The following SUPT3H variants were observed in gnomAD, a reference collection of about 807,000 sequenced individuals.
SUPT3H encodes SPT3 homolog, SAGA and STAGA complex component.
SUPT3H carries 44 observed loss-of-function variants against 44.3 expected under a neutral mutation model. The observed-to-expected ratio is 0.99, with a 90% CI of 0.78 to 1.28. The LOEUF (loss-of-function observed/expected upper bound fraction) is 1.28, where lower values mean the gene tolerates loss of function less well. SUPT3H is among the 50% of genes most tolerant of loss of function. The pLI, the probability that SUPT3H is intolerant of heterozygous loss-of-function variation, is 0.00. For synonymous variants in SUPT3H, 124 were observed against 125.6 expected, an observed-to-expected ratio of 0.99 and a Z score of 0.09; for missense variants, 380 against 387.1, an observed-to-expected ratio of 0.98 and a Z score of 0.15.
chr6:45,061,896 T>G (rs1354776419), intron 3 of SUPT3H, among the ~76,000 whole-genome samples: 2 of 52,022 alleles, frequency 3.8e-5, no homozygotes, highest in South Asian at 4.7e-4. Flanking sequence ...ATAAGCTGTT[T>G]TTTTTTTTTT....
rs535755755 is a variant in SUPT3H, at chr6:44,834,874, G to A, written c.913-5017C>T. 5.9e-5 allele frequency among the ~76,000 whole-genome samples: 9 copies of A among 152,224 alleles called. No individual in the cohort carries two copies. The East Asian group carries it at 1.2e-3, about 20-fold the overall frequency. On this transcript the variant is annotated intron_variant, in intron 10 of 10. Transcript: ENST00000371459. ...AAACTGGTGGAGTTGGCGGAGGGGC[G>A]GTTAGGGGAGGGGGAAGGAAGGAAC...
At chr6:45,306,833 G>A (rs781590231) in intron 2 of SUPT3H, among the ~76,000 whole-genome samples, 35 of 152,196 alleles carry the variant, frequency 2.3e-4, no homozygotes, top group African/African-American at 5.8e-4. Flanking sequence ...AAAGCAGGGC[G>A]AGGCATCGCC....
At chr6:44,910,616 T>C (rs915700716) in intron 10 of SUPT3H, among the ~76,000 whole-genome samples, 1 of 151,998 alleles carries the variant, frequency 6.6e-6, no homozygotes, top group Non-Finnish European at 1.5e-5. Flanking sequence ...AGATTGTGAA[T>C]CTTCTTCATA....
intron 9 of SUPT3H, among the ~76,000 whole-genome samples, chr6:44,941,527 T>A (rs909761854): frequency 4.6e-5 from 7 of 152,142 alleles, no homozygotes; most frequent in African/African-American, 1.4e-4. Context: ...TGGGGTTTTC[T>A]TATAGGTGAC....
intron 2 of SUPT3H, among the ~76,000 whole-genome samples, chr6:45,202,771 C>T (rs567354828): frequency 8.5e-5 from 13 of 152,114 alleles, no homozygotes; most frequent in African/African-American, 3.1e-4. Flanking sequence ...ATATACAATT[C>T]TATTTAATGA....
rs143079608 is a variant in SUPT3H at position 45,294,069 on chromosome 6, C to T, written c.101+71132G>A. On this transcript the variant is annotated intron_variant, in intron 2 of 10. Coordinates refer to ENST00000371459, the MANE Select transcript of SUPT3H (RefSeq NM_003599.4). The stretch of plus-strand genomic sequence containing the variant: ...TACAGACCAATAACCCTGATGAACA[C>T]AGATACTAAAATCCTTAACAAAATA... Among the ~76,000 whole-genome samples the T allele has an allele frequency of 1.7e-3, 253 of 152,210 alleles. 3 individuals are homozygous for T. The highest frequency in any genetic ancestry group is 5.9e-3 in the African/African-American group (247 of 41,540).
intron 2 of SUPT3H, among the ~76,000 whole-genome samples, chr6:45,215,051 C>T (rs1764814635): frequency 6.6e-6 from 1 of 152,128 alleles, no homozygotes; most frequent in African/African-American, 2.4e-5. Flanking sequence ...GCCTGGGCCA[C>T]AAAGCCAATC....
intron 7 of SUPT3H, among the ~76,000 whole-genome samples, chr6:44,955,849 G>A (rs1333807474): frequency 6.6e-6 from 1 of 152,154 alleles, no homozygotes; most frequent in Non-Finnish European, 1.5e-5. Context: ...GGCTGGGCGC[G>A]GTGGCTCACG....
chr6:45,311,745 T>C (rs886820602), intron 2 of SUPT3H, among the ~76,000 whole-genome samples: 2 of 152,082 alleles, frequency 1.3e-5, no homozygotes, highest in Non-Finnish European at 2.9e-5. Context: ...GATACAGTCA[T>C]TTTCAGACAA....
At chr6:44,887,506 T>C (rs1188097278) in intron 10 of SUPT3H, among the ~76,000 whole-genome samples, 3 of 152,128 alleles carry the variant, frequency 2.0e-5, no homozygotes, top group Non-Finnish European at 4.4e-5. Context: ...AACAACCTGC[T>C]CCTGAATGAC....
At chr6:45,160,784 A>T in intron 2 of SUPT3H, among the ~76,000 whole-genome samples, 1 of 152,092 alleles carries the variant, frequency 6.6e-6, no homozygotes, top group East Asian at 1.9e-4. Flanking sequence ...ATGGATACCC[A>T]AAGTTTCCAT....
intron 10 of SUPT3H, among the ~76,000 whole-genome samples, chr6:44,885,894 G>C (rs1370162771): frequency 1.3e-5 from 2 of 152,096 alleles, no homozygotes; most frequent in Non-Finnish European, 2.9e-5. Flanking sequence ...TGTATAACTA[G>C]AATAACCAAT....
At chr6:45,290,395 G>T (rs1037504705) in intron 2 of SUPT3H, among the ~76,000 whole-genome samples, 1 of 145,836 alleles carries the variant, frequency 6.9e-6, no homozygotes, top group Non-Finnish European at 1.5e-5. Context: ...AGTCAGGTCT[G>T]AACTGCACTG....
intron 2 of SUPT3H, among the ~76,000 whole-genome samples, chr6:45,229,067 A>C (rs1365137027): frequency 1.3e-5 from 2 of 152,244 alleles, no homozygotes; most frequent in Non-Finnish European, 1.5e-5. Flanking sequence ...AAATATGCTA[A>C]GATTAAACCC....
intron 3 of SUPT3H, among the ~76,000 whole-genome samples, chr6:45,033,975 A>G (rs1228536424): frequency 1.3e-5 from 2 of 152,162 alleles, no homozygotes; most frequent in African/African-American, 4.8e-5. Flanking sequence ...GATGACCCCA[A>G]TGGAAGTATT....
At chr6:44,895,080 A>C (rs1304216129) in intron 10 of SUPT3H, among the ~76,000 whole-genome samples, 1 of 152,012 alleles carries the variant, frequency 6.6e-6, no homozygotes, top group Non-Finnish European at 1.5e-5. Flanking sequence ...TTTCTTTAAC[A>C]TTTATTTTTT....
chr6:44,915,556 G>C (rs1293947368), intron 10 of SUPT3H, among the ~76,000 whole-genome samples: 1 of 152,090 alleles, frequency 6.6e-6, no homozygotes, highest in Admixed American at 6.6e-5. Context: ...GGTTGGACAT[G>C]CCACATTATA....
chr6:45,216,660 A>C (rs1765112127), intron 2 of SUPT3H, among the ~76,000 whole-genome samples: 1 of 152,262 alleles, frequency 6.6e-6, no homozygotes, highest in African/African-American at 2.4e-5. Context: ...CTATATTTAT[A>C]TCAGCTAAGA....
At chr6:45,346,322 A>G (rs1790849394) in intron 2 of SUPT3H, among the ~76,000 whole-genome samples, 1 of 152,142 alleles carries the variant, frequency 6.6e-6, no homozygotes, top group Admixed American at 6.5e-5. Context: ...AATAAATAAA[A>G]TAGATTTTTA....
Sources: allele counts gnomAD v4.1 joint callset (sites outside exome capture counted in the v4.1 genomes callset), GRCh38; gene constraint gnomAD v4.1.1; transcripts MANE v1.5; gene names NCBI Gene and HGNC (gene_info 2026-07-23, HGNC 2026-07-21).